Variants in C2CD5 observed in about 807,000 individuals in gnomAD.
C2CD5 encodes the protein C2 domain-containing protein 5.
C2CD5 carries 109 observed loss-of-function variants against 130.3 expected under a neutral mutation model. The observed-to-expected ratio is 0.84, with a 90% CI of 0.72 to 0.98. C2CD5 has a LOEUF of 0.98. C2CD5 is among the 50% of genes least tolerant of loss of function. The probability of loss-of-function intolerance (pLI) is 0.00; values close to 1 mark genes in which losing one functional copy is unlikely to be tolerated. For synonymous variants in C2CD5, 454 were observed against 429.2 expected, an observed-to-expected ratio of 1.06 and a Z score of -0.71; for missense variants, 996 against 1,261.8, an observed-to-expected ratio of 0.79 and a Z score of 3.19.
chr12:22,457,348 T>C (rs1940110514), intron 24 of C2CD5, among the ~76,000 whole-genome samples, 187 bp from the exon 25 acceptor site: 2 of 152,032 alleles, frequency 1.3e-5, no homozygotes, highest in African/African-American at 4.8e-5. Context: ...TGAGAGGAAA[T>C]GCTGGAATGG....
intron 6 of C2CD5, 119 bp downstream of exon 6, chr12:22,524,353 C>A: frequency 1.3e-6 from 1 of 758,076 alleles, no homozygotes. Flanking sequence ...CAGGGGAAGG[C>A]ATGCAGTCAC....
At chr12:22,472,570 T>C (rs1445971375) in intron 17 of C2CD5, 174 bp downstream of exon 17, 4 of 645,100 alleles carry the variant, frequency 6.2e-6, no homozygotes, top group Non-Finnish European at 1.1e-5. Flanking sequence ...CCACCTAAGT[T>C]CTAACATAAG....
chr12:22,456,565 GAAGA>G (rs1270058066), intron 25 of C2CD5, among the ~76,000 whole-genome samples: 1 of 152,176 alleles, frequency 6.6e-6, no homozygotes, highest in Non-Finnish European at 1.5e-5. Context: ...TTCTCAGGAG[GAAGA>G]AACAGCAGAG....
Position 22,472,077 on chromosome 12 carries a change from G to A in C2CD5, c.2170-12C>T. 2.8e-6 allele frequency: 4 copies of A among 1,404,982 alleles called. No individual in the cohort carries two copies. Among genetic ancestry groups the A allele is most frequent in the Non-Finnish European group, 3.0e-6 (3 of 999,714 alleles). 87.0% of individuals were successfully genotyped at this position (1,404,982 alleles called of 1,614,324 possible). On this transcript the variant is annotated splice_polypyrimidine_tract_variant and intron_variant, in intron 18 of 26. Transcript: ENST00000446597. ...ACTGAAGTGAACATCTAAATGTGGG[G>A]TGACATAACATGTCATTTTATTATT... is the stretch of plus-strand genomic sequence containing the variant.
intron 2 of C2CD5, among the ~76,000 whole-genome samples, chr12:22,536,754 T>A (rs1951850792): frequency 6.6e-6 from 1 of 152,088 alleles, no homozygotes; most frequent in East Asian, 1.9e-4. Context: ...GGAAATAGAG[T>A]ACAGTGGTGT....
In C2CD5 at chr12:22,474,920, TATGAGA is replaced by T. The variant is rs1384334867; in HGVS notation, c.1903-35_1903-30del. 3.4e-6 allele frequency: 5 copies of T among 1,475,078 alleles called. No homozygotes were observed. In the African/African-American group the frequency reaches 4.3e-5, roughly 13 times the overall value. The allele number at this position is 1,475,078 out of a possible 1,614,324, so 91.4% of individuals were successfully genotyped here. ...AAAGAAATATAATTGTTTTATATCA[TATGAGA>T]TTGTCTTTTCCAGTTTAAATTTTAC... is the stretch of plus-strand genomic sequence containing the variant. On this transcript the variant is annotated intron_variant, in intron 15 of 26. Transcript: ENST00000446597.
chr12:22,495,520 A>G (rs2136510956), intron 10 of C2CD5, among the ~76,000 whole-genome samples: 1 of 152,164 alleles, frequency 6.6e-6, no homozygotes, highest in Non-Finnish European at 1.5e-5. Flanking sequence ...TAATTAAACC[A>G]AACACTATGA....
rs1177939023 is a variant in C2CD5 at position 22,483,031 on chromosome 12, AAG to A, written c.1551-290_1551-289del. The stretch of plus-strand genomic sequence containing the variant: ...TAATTGTACAAGTTAAAATAACTAA[AAG>A]AGTATAACAGGACTGTTTCTAACAC... On this transcript the variant is annotated intron_variant, in intron 13 of 26. Transcript: ENST00000446597. Among the ~76,000 whole-genome samples, 3 of 152,180 alleles carry A rather than the reference AAG, an allele frequency of 2.0e-5. No homozygotes were observed. In the East Asian group the frequency reaches 5.8e-4, roughly 29 times the overall value.
intron 16 of C2CD5, among the ~76,000 whole-genome samples, chr12:22,473,986 T>C (rs189488374): frequency 1.3e-5 from 2 of 152,260 alleles, no homozygotes; most frequent in East Asian, 1.9e-4. Context: ...TGGTTAGGCC[T>C]GTGCGTCTCT....
At chr12:22,482,466 A>G in intron 14 of C2CD5, 91 bp downstream of exon 14, 3 of 1,081,372 alleles carry the variant, frequency 2.8e-6, no homozygotes, top group Non-Finnish European at 4.1e-6. Context: ...GTCTTTAGAT[A>G]AGCCTTTGAA....
At chr12:22,518,936 T>C (rs902037198) in intron 7 of C2CD5, 3 of 471,780 alleles carry the variant, frequency 6.4e-6, no homozygotes, top group African/African-American at 4.0e-5. Flanking sequence ...CACTTCCATA[T>C]AGTTAGAGAC....
intron 14 of C2CD5, among the ~76,000 whole-genome samples, chr12:22,481,731 T>C (rs1041346194): frequency 6.8e-6 from 1 of 146,472 alleles, no homozygotes; most frequent in African/African-American, 2.5e-5. Context: ...CAGGGTTCAC[T>C]GCAGCCTCAA....
intron 7 of C2CD5, among the ~76,000 whole-genome samples, chr12:22,520,040 A>T (rs1950131104): frequency 6.6e-6 from 1 of 152,174 alleles, no homozygotes; most frequent in African/African-American, 2.4e-5. Context: ...TAGAGCAGTT[A>T]TACAAGTATA....
intron 22 of C2CD5, among the ~76,000 whole-genome samples, chr12:22,464,916 A>AT (rs1941797011): frequency 6.6e-6 from 1 of 152,204 alleles, no homozygotes; most frequent in South Asian, 2.1e-4. Flanking sequence ...TCTAATTGCT[A>AT]TTTTAAAATA....
At chr12:22,461,025 G>A (rs532275386) in intron 22 of C2CD5, among the ~76,000 whole-genome samples, 1 of 152,286 alleles carries the variant, frequency 6.6e-6, no homozygotes, top group South Asian at 2.1e-4. Flanking sequence ...CTCACTGACT[G>A]GAGATCTAGA....
At chr12:22,492,365 A>G (rs1238547605) in intron 11 of C2CD5, among the ~76,000 whole-genome samples, 1 of 152,182 alleles carries the variant, frequency 6.6e-6, no homozygotes, top group Admixed American at 6.5e-5. Context: ...AAGGGTCAAA[A>G]CAAACTAGAT....
chr12:22,485,700 G>A (rs1945392191), intron 12 of C2CD5, among the ~76,000 whole-genome samples: 1 of 152,070 alleles, frequency 6.6e-6, no homozygotes, highest in South Asian at 2.1e-4. Context: ...CAAAGCCAAT[G>A]TGTTATAAGA....
chr12:22,521,494 G>T (rs546362687), intron 7 of C2CD5, among the ~76,000 whole-genome samples: 3 of 152,172 alleles, frequency 2.0e-5, no homozygotes, highest in African/African-American at 7.2e-5. Context: ...CTTCCACTAG[G>T]TAACTTACTT....
chr12:22,471,927 T>G, intron 19 of C2CD5, 40 bp downstream of exon 19: 1 of 1,062,372 alleles, frequency 9.4e-7, no homozygotes, highest in Non-Finnish European at 1.5e-6. Flanking sequence ...ATTTCATTAT[T>G]ATAGACGCAT....
Sources: allele counts gnomAD v4.1 joint callset (sites outside exome capture counted in the v4.1 genomes callset), GRCh38; gene constraint gnomAD v4.1.1; transcripts MANE v1.5; gene names NCBI Gene and HGNC (gene_info 2026-07-23, HGNC 2026-07-21).